Variants in NRK observed in about 807,000 individuals in gnomAD.
NRK encodes nik-related protein kinase.
In NRK, 67 loss-of-function variants were observed where a neutral mutation model predicts 125.2. The observed-to-expected ratio is 0.54, with a 90% CI of 0.44 to 0.66. NRK has a LOEUF of 0.66. Among genes scored for constraint, NRK ranks in the 30% least tolerant of loss-of-function variants. NRK has a pLI of 0.00. For missense variants in NRK, 1,224 were observed against 1,192.9 expected (o/e 1.03, Z -0.38); for synonymous variants, 458 against 429.0 (o/e 1.07, Z -0.84).
chrX:105,830,207 G>A (rs1454900516), intron 1 of NRK, among the ~76,000 whole-genome samples: 6 of 103,828 alleles, frequency 5.8e-5, no homozygotes, highest in African/African-American at 1.8e-4. Context: ...TCAGCTACTC[G>A]GGAGGCTGAG....
chrX:105,851,529 A>G (rs917343993), intron 2 of NRK, among the ~76,000 whole-genome samples: 1 of 112,120 alleles, frequency 8.9e-6, no homozygotes, highest in Non-Finnish European at 1.9e-5. Context: ...TCAAGTCTAT[A>G]TTATAAATTA....
Position 105,935,162 on chromosome X carries a change from C to A in NRK, c.3500-8C>A, listed in dbSNP as rs780306480. The A allele has an allele frequency of 6.0e-6, 7 of 1,168,764 alleles. No individual in the cohort carries two copies. In the Admixed American group the frequency reaches 1.5e-4, roughly 26 times the overall value. On this transcript the variant is annotated splice_polypyrimidine_tract_variant and splice_region_variant and intron_variant, in intron 20 of 28. Coordinates refer to ENST00000243300, the MANE Select transcript of NRK (RefSeq NM_198465.4). Reference sequence around the variant, plus strand: ...TTCCCTTATTATCTTCCCCTTACATCTTTGCAGTATACGCTGGATTCGTAG... The same window carrying A: ...TTCCCTTATTATCTTCCCCTTACATATTTGCAGTATACGCTGGATTCGTAG...
At chrX:105,898,757 G>T in intron 8 of NRK, 43 bp downstream of exon 8, 1 of 1,034,271 alleles carries the variant, frequency 9.7e-7, no homozygotes, top group Non-Finnish European at 1.3e-6. Context: ...AATTTGGAAA[G>T]GATTTTTGAT....
Position 105,935,181 on chromosome X carries a change from T to A in NRK, c.3511T>A (p.Phe1171Ile). The change falls in exon 21 of 29, where the codon TTC (phenylalanine) becomes ATC (isoleucine). Residue 1171 changes from phenylalanine (F) to isoleucine (I), a missense_variant. Physicochemically the swap from Phe to Ile is conservative, Grantham distance 21. Coordinates refer to ENST00000243300, the MANE Select transcript of NRK (RefSeq NM_198465.4). The part of the protein sequence containing the change: ...NFASAILYAG[F>I]VEVPEESPKQ... ...TTACATCTTTGCAGTATACGCTGGATTCGTAGAAGTACCTGAGGAATCACC... is the reference window on the plus strand; with the variant it reads ...TTACATCTTTGCAGTATACGCTGGAATCGTAGAAGTACCTGAGGAATCACC... 2 of 1,193,434 alleles carry A rather than the reference T, an allele frequency of 1.7e-6. No homozygotes were observed. Among genetic ancestry groups the A allele is most frequent in the Non-Finnish European group, 2.3e-6 (2 of 879,372 alleles).
chrX:105,924,728 A>C lies in NRK; in HGVS notation c.3009A>C (p.Gln1003His). The C allele has an allele frequency of 8.3e-7, 1 of 1,201,416 alleles. No homozygotes were observed. ...ASYGRDGSCKQDGYDGSRGKE... is the reference protein window; with the variant it reads ...ASYGRDGSCKHDGYDGSRGKE... ...ATGGCAGAGATGGAAGCTGCAAGCAAGATGGTTATGATGGAAGTCGTGGAA... is the reference window on the plus strand; with the variant it reads ...ATGGCAGAGATGGAAGCTGCAAGCACGATGGTTATGATGGAAGTCGTGGAA... The change falls in exon 19 of 29, where the codon CAA becomes CAC. Residue 1003 changes from glutamine (Q) to histidine (H), a missense_variant. Transcript: ENST00000243300.
At chrX:105,885,505 C>T (rs965683989) in intron 4 of NRK, among the ~76,000 whole-genome samples, 1 of 112,294 alleles carries the variant, frequency 8.9e-6, no homozygotes, top group Non-Finnish European at 1.9e-5. Flanking sequence ...AGATATTTTT[C>T]TCAAGTGTAT....
intron 4 of NRK, among the ~76,000 whole-genome samples, chrX:105,885,401 A>C (rs1370302652): frequency 8.9e-6 from 1 of 112,143 alleles, no homozygotes; most frequent in Non-Finnish European, 1.9e-5. Flanking sequence ...AATTTCCTTT[A>C]AGTTAGGATC....
At chrX:105,904,777 A>T (rs2040200336) in intron 9 of NRK, among the ~76,000 whole-genome samples, 1 of 107,377 alleles carries the variant, frequency 9.3e-6, no homozygotes, top group Non-Finnish European at 1.9e-5. Flanking sequence ...CACTATACCT[A>T]TTTTTTTTTT....
At chrX:105,870,948 C>T (rs2039738383) in intron 2 of NRK, among the ~76,000 whole-genome samples, 1 of 111,153 alleles carries the variant, frequency 9.0e-6, no homozygotes. Context: ...CCTTTGACTA[C>T]ATGTAGCAAA....
At chrX:105,915,014 C>T (rs1473156548) in intron 14 of NRK, among the ~76,000 whole-genome samples, 3 of 107,143 alleles carry the variant, frequency 2.8e-5, no homozygotes, top group Non-Finnish European at 5.8e-5. Flanking sequence ...TAAAATTCCC[C>T]CATTGGTGGA....
At chrX:105,834,168 T>G (rs1356393846) in intron 2 of NRK, among the ~76,000 whole-genome samples, 2 of 111,609 alleles carry the variant, frequency 1.8e-5, no homozygotes, top group African/African-American at 6.5e-5. Context: ...AGTCCAAGGC[T>G]TCTGAGTAAT....
chrX:105,891,869 G>T (rs745730850), intron 5 of NRK, among the ~76,000 whole-genome samples: 15 of 111,897 alleles, frequency 1.3e-4, no homozygotes, highest in Non-Finnish European at 2.8e-4. Flanking sequence ...TTCCAGTTGA[G>T]ATTTTAGTAA....
At chrX:105,869,322 T>A (rs921754109) in intron 2 of NRK, among the ~76,000 whole-genome samples, 1 of 111,477 alleles carries the variant, frequency 9.0e-6, no homozygotes, top group East Asian at 2.9e-4. Flanking sequence ...GTCCTTTTGT[T>A]CTCTCATGTC....
rs773010829 is a variant in NRK, at chrX:105,923,384, T to G, written c.2877T>G (p.Val959=). The G allele has an allele frequency of 7.7e-5, 89 of 1,156,987 alleles. 2 individuals carry two copies. In the South Asian group the frequency reaches 1.7e-3, roughly 22 times the overall value. ...GCAATGATGACTTGGATAACCAGGT[T>G]GATCAGGCTAATGATGTTTGTAAAG... The part of the protein sequence containing the change: ...ANGNDDLDNQ[V]DQANDVCKDH... Residue 959 remains valine, a synonymous_variant, in exon 18 of 29, where the codon GTT becomes GTG. Transcript: ENST00000243300.
At chrX:105,898,445 T>G in intron 7 of NRK, 139 bp from the exon 8 acceptor site, 2 of 501,896 alleles carry the variant, frequency 4.0e-6, no homozygotes, top group Non-Finnish European at 3.2e-6. Flanking sequence ...TGGAGTAGAC[T>G]TCATGGTAAA....
Position 105,880,246 on chromosome X carries a change from C to G in NRK, c.171C>G (p.Asn57Lys), listed in dbSNP as rs761109913. The G allele has an allele frequency of 9.6e-7, 1 of 1,046,595 alleles. No individual in the cohort carries two copies. The highest frequency in any genetic ancestry group is 2.8e-5 in the Admixed American group (1 of 36,336). 86.3% of individuals were successfully genotyped at this position (1,046,595 alleles called of 1,213,427 possible). A position where few individuals can be genotyped will look rare whatever the true frequency, so the allele number is the denominator to read the frequency against. ...TGAFTAVKVM[N>K]ARKTPLPEIG... ...CATTTACAGCTGTTAAAGTGATGAA[C>G]GCTCGTAAGGTAATATTATAAATTG... is the stretch of plus-strand genomic sequence containing the variant. The change falls in exon 3 of 29, where the codon AAC becomes AAG. Residue 57 changes from asparagine (N) to lysine (K), a missense_variant. By Grantham distance (94) the Asn-to-Lys change is moderately conservative. Coordinates refer to ENST00000243300, the MANE Select transcript of NRK (RefSeq NM_198465.4).
At chrX:105,831,872 T>C (rs1218661400) in intron 2 of NRK, among the ~76,000 whole-genome samples, 2 of 112,160 alleles carry the variant, frequency 1.8e-5, no homozygotes, top group Non-Finnish European at 3.8e-5. Flanking sequence ...GTACAGACTT[T>C]TGTTCTTGTC....
At chrX:105,940,706 C>T (rs765340383) in intron 23 of NRK, among the ~76,000 whole-genome samples, 62 of 111,779 alleles carry the variant, frequency 5.5e-4, no homozygotes, top group Non-Finnish European at 1.1e-3. Context: ...TATAAAAAAC[C>T]GTGAGCTAAT....
chrX:105,867,820 T>C lies in NRK; in HGVS notation c.124-12379T>C, dbSNP rs766647322. Reference sequence around the variant, plus strand: ...ACAAAATGTAGTTGTTATGTGTGAATTAAAATATAAACTGAGAATTTGAAA... The same window carrying C: ...ACAAAATGTAGTTGTTATGTGTGAACTAAAATATAAACTGAGAATTTGAAA... On this transcript the variant is annotated intron_variant, in intron 2 of 28. Coordinates refer to ENST00000243300, the MANE Select transcript of NRK (RefSeq NM_198465.4). 7.1e-5 allele frequency among the ~76,000 whole-genome samples: 8 copies of C among 111,993 alleles called. No homozygotes were observed. The South Asian group carries it at 2.9e-3, about 41-fold the overall frequency.
Sources: gnomAD v4.1 joint callset for allele counts (sites outside exome capture counted in the v4.1 genomes callset) on GRCh38, gnomAD v4.1.1 for gene constraint, MANE v1.5 for transcripts, NCBI Gene and HGNC (gene_info 2026-07-23, HGNC 2026-07-21) for gene names.